DCSTAMP: variants seen among roughly 807,000 people sequenced by gnomAD.
DCSTAMP encodes the protein dendrocyte expressed seven transmembrane protein.
In DCSTAMP, 25 loss-of-function variants were observed where a neutral mutation model predicts 33.8. The ratio of observed to expected loss-of-function variants is 0.74; its 90% CI spans 0.54 to 1.03. The LOEUF is 1.03. DCSTAMP is among the 50% of genes least tolerant of loss of function. The pLI is 0.00. For synonymous variants in DCSTAMP, 245 were observed against 216.7 expected, an observed-to-expected ratio of 1.13 and a Z score of -1.15; for missense variants, 531 against 556.8, an observed-to-expected ratio of 0.95 and a Z score of 0.47.
intron 1 of DCSTAMP, among the ~76,000 whole-genome samples, chr8:104,348,115 C>T (rs922045860): frequency 6.6e-6 from 1 of 152,146 alleles, no homozygotes; most frequent in Non-Finnish European, 1.5e-5. Context: ...GCATTGCAGG[C>T]CCATTTTAGA....
intron 1 of DCSTAMP, among the ~76,000 whole-genome samples, chr8:104,342,547 C>G (rs899371075): frequency 3.3e-5 from 5 of 152,246 alleles, no homozygotes; most frequent in Non-Finnish European, 7.3e-5. Flanking sequence ...TCCAGCCCCC[C>G]AGAGACCCAT....
intron 2 of DCSTAMP, among the ~76,000 whole-genome samples, chr8:104,351,739 T>C (rs1810469478): frequency 6.6e-6 from 1 of 152,212 alleles, no homozygotes; most frequent in Admixed American, 6.5e-5. Context: ...GAGTGCCTTA[T>C]GCAAATATAT....
At chr8:104,343,346 A>G (rs1028080520) in intron 1 of DCSTAMP, among the ~76,000 whole-genome samples, 1 of 152,234 alleles carries the variant, frequency 6.6e-6, no homozygotes, top group Non-Finnish European at 1.5e-5. Context: ...ATAAAGTAAC[A>G]CATTAATAAC....
At chr8:104,342,142 G>A (rs766876412) in intron 1 of DCSTAMP, among the ~76,000 whole-genome samples, 13 of 152,148 alleles carry the variant, frequency 8.5e-5, no homozygotes, top group Non-Finnish European at 1.6e-4. Context: ...GAGGTATAGA[G>A]GAAAACCTTT....
At position 104,355,058 on chromosome 8, in the gene DCSTAMP, T is replaced by C. The variant is rs1810580206; in HGVS notation, c.1211T>C (p.Val404Ala). Residue 404 changes from valine (V) to alanine (A), a missense_variant, in exon 3 of 4, where the codon GTG (valine) becomes GCG (alanine). Physicochemically the swap from Val to Ala is moderately conservative, Grantham distance 64. Coordinates refer to ENST00000297581, the MANE Select transcript of DCSTAMP (RefSeq NM_030788.4). ...SSILMQLKIL[V>A]SASFYPSVER... is the part of the protein sequence containing the mutation. Reference sequence around the variant, plus strand: ...ATCCTTATGCAACTTAAAATCCTGGTGTCAGCATCTTTCTACCCCAGCGTG... The same window carrying C: ...ATCCTTATGCAACTTAAAATCCTGGCGTCAGCATCTTTCTACCCCAGCGTG... 6.2e-7 allele frequency: 1 copy of C among 1,614,072 alleles called. No individual in the cohort carries two copies.
At chr8:104,346,286 G>T (rs530925035) in intron 1 of DCSTAMP, among the ~76,000 whole-genome samples, 4 of 152,372 alleles carry the variant, frequency 2.6e-5, no homozygotes, top group African/African-American at 9.6e-5. Context: ...GGAGAGCAAA[G>T]AGTCATGCCT....
In DCSTAMP at chr8:104,348,946, A is replaced by G. The variant is rs1185838990; in HGVS notation, c.394A>G (p.Lys132Glu). The G allele has an allele frequency of 1.9e-6, 3 of 1,614,236 alleles. No homozygotes were observed. The South Asian group carries it at 3.3e-5, about 18-fold the overall frequency. Residue 132 changes from lysine (K) to glutamate (E), a missense_variant, in exon 2 of 4, where the codon AAG (lysine) becomes GAG (glutamate). Lys to Glu is a moderately conservative substitution (Grantham distance 56). Transcript: ENST00000297581. ...LDGMTCNLRA[K>E]SFSIHFPLLK... ...TGGTATGACTTGCAACCTAAGGGCA[A>G]AGAGCTTTTCCATACATTTTCCACT...
chr8:104,355,018 G>A lies in DCSTAMP; in HGVS notation c.1171G>A (p.Gly391Arg). 1 of 1,614,026 alleles carries A rather than the reference G, an allele frequency of 6.2e-7. No individual in the cohort carries two copies. Among genetic ancestry groups the A allele is most frequent in the Non-Finnish European group, 8.5e-7 (1 of 1,179,986 alleles). ...SVILLILVML[G>R]LLSSILMQLK... ...TATTCTTTTGATATTAGTGATGCTG[G>A]GACTGTTGTCCTCTATCCTTATGCA... Residue 391 changes from glycine to arginine, a missense_variant, in exon 3 of 4, where the codon GGA becomes AGA. By Grantham distance (125) the Gly-to-Arg change is moderately radical (BLOSUM62 -2). Coordinates refer to ENST00000297581, the MANE Select transcript of DCSTAMP (RefSeq NM_030788.4).
chr8:104,355,216 T>C (rs574789059), intron 3 of DCSTAMP, 31 bp downstream of exon 3: 34 of 1,578,084 alleles, frequency 2.2e-5, no homozygotes, highest in South Asian at 1.9e-4. Context: ...TAACCTCCAA[T>C]TGAGGAAGTG....
Position 104,345,144 on chromosome 8 carries a change from G to A in DCSTAMP, c.-12-3397G>A, listed in dbSNP as rs1810271541. Among the ~76,000 whole-genome samples, 3 of 152,032 alleles carry A rather than the reference G, an allele frequency of 2.0e-5. No homozygotes were observed. The South Asian group carries it at 6.2e-4, about 32-fold the overall frequency. ...CTTGGGCATTCAATCTTTGCCTAAA[G>A]AGCAGAGAATGGACATTCTTCATTT... is the stretch of plus-strand genomic sequence containing the variant. On this transcript the variant is annotated intron_variant, in intron 1 of 3. Coordinates refer to ENST00000297581, the MANE Select transcript of DCSTAMP (RefSeq NM_030788.4).
At chr8:104,352,272 A>G (rs1335886741) in intron 2 of DCSTAMP, among the ~76,000 whole-genome samples, 1 of 152,138 alleles carries the variant, frequency 6.6e-6, no homozygotes, top group Non-Finnish European at 1.5e-5. Context: ...GCTGCTTCTC[A>G]GAGTTGATTA....
Position 104,349,676 on chromosome 8 carries a change from A to G in DCSTAMP, c.1029+95A>G. ...ACCTCCCGAGGCAGGGCAGTGGCTC[A>G]TTCACCTTTGCATCCTTGGTGCCCA... On this transcript the variant is annotated intron_variant, in intron 2 of 3. Coordinates refer to ENST00000297581, the MANE Select transcript of DCSTAMP (RefSeq NM_030788.4). The G allele has an allele frequency of 5.0e-6, 7 of 1,402,430 alleles. No individual in the cohort carries two copies. The South Asian group carries it at 5.6e-5, about 11-fold the overall frequency. 86.9% of individuals were successfully genotyped at this position (1,402,430 alleles called of 1,614,324 possible).
At chr8:104,347,620 G>C (rs1168344244) in intron 1 of DCSTAMP, among the ~76,000 whole-genome samples, 3 of 152,178 alleles carry the variant, frequency 2.0e-5, no homozygotes, top group Non-Finnish European at 2.9e-5. Context: ...ACGTGTCTGT[G>C]GTCAGCCGGT....
intron 2 of DCSTAMP, among the ~76,000 whole-genome samples, chr8:104,351,587 T>C (rs1810465131): frequency 6.6e-6 from 1 of 152,212 alleles, no homozygotes; most frequent in African/African-American, 2.4e-5. Flanking sequence ...CTTATATTTA[T>C]ACCTAGTCTT....
intron 1 of DCSTAMP, among the ~76,000 whole-genome samples, chr8:104,343,206 C>T (rs551593113): frequency 4.6e-5 from 7 of 152,308 alleles, no homozygotes; most frequent in East Asian, 3.9e-4. Context: ...AATCCTGGCT[C>T]TTGCACTTAT....
Position 104,348,906 on chromosome 8 carries a change from T to G in DCSTAMP, c.354T>G (p.Phe118Leu), listed in dbSNP as rs1810386903. The change falls in exon 2 of 4, where the codon TTT becomes TTG. Residue 118 changes from phenylalanine (F) to leucine (L), a missense_variant. Physicochemically the swap from Phe to Leu is conservative, Grantham distance 22. Transcript: ENST00000297581. ...LGHVENIFHN[F>L]KGLLDGMTCN... ...ACGTAGAAAATATTTTTCACAACTTTAAAGGTCTCCTAGATGGTATGACTT... is the reference window on the plus strand; with the variant it reads ...ACGTAGAAAATATTTTTCACAACTTGAAAGGTCTCCTAGATGGTATGACTT... 1 of 1,614,248 alleles carries G rather than the reference T, an allele frequency of 6.2e-7. No individual in the cohort carries two copies. Among genetic ancestry groups the G allele is most frequent in the East Asian group, 2.2e-5 (1 of 44,890 alleles).
chr8:104,340,532 G>T (rs2099382609), intron 1 of DCSTAMP: 1 of 152,246 alleles, frequency 6.6e-6, no homozygotes, highest in African/African-American at 2.4e-5. Context: ...ACTCCCAGGT[G>T]CTGGGCTTTG....
intron 1 of DCSTAMP, among the ~76,000 whole-genome samples, chr8:104,341,912 A>G (rs2099382938): frequency 6.6e-6 from 1 of 152,362 alleles, no homozygotes; most frequent in African/African-American, 2.4e-5. Context: ...GGTAAAAGCC[A>G]GAAACAGGTA....
intron 2 of DCSTAMP, among the ~76,000 whole-genome samples, chr8:104,354,534 A>T (rs1810559704): frequency 6.6e-6 from 1 of 152,236 alleles, no homozygotes; most frequent in South Asian, 2.1e-4. Flanking sequence ...AAATTAAAAG[A>T]TTCCTCTGCC....
Sources: allele counts gnomAD v4.1 joint callset (sites outside exome capture counted in the v4.1 genomes callset), GRCh38; gene constraint gnomAD v4.1.1; transcripts MANE v1.5; gene names NCBI Gene and HGNC (gene_info 2026-07-23, HGNC 2026-07-21).